TUT4: variants seen among roughly 807,000 people sequenced by gnomAD.
TUT4 encodes terminal uridylyltransferase 4.
In TUT4, 36 loss-of-function variants were observed where a neutral mutation model predicts 192.2. That is an observed-to-expected ratio of 0.19 (90% CI 0.14 to 0.25). The LOEUF (loss-of-function observed/expected upper bound fraction) is 0.25, where lower values mean the gene tolerates loss of function less well. TUT4 is among the 10% of genes least tolerant of loss of function. TUT4 has a pLI of 1.00. For missense variants in TUT4, 1,493 were observed against 1,957.2 expected (o/e 0.76, Z 4.47); for synonymous variants, 618 against 666.0 (o/e 0.93, Z 1.11).
intron 26 of TUT4, 142 bp from the exon 27 acceptor site, chr1:52,435,607 T>TA: frequency 1.6e-6 from 1 of 642,672 alleles, no homozygotes; most frequent in South Asian, 2.0e-5. Flanking sequence ...TTAAGTATAT[T>TA]AACGAAGGAC....
chr1:52,477,883 C>A lies in TUT4; in HGVS notation c.1849-1G>T. ...TTGGTGTTTCCAATGCTAAAGGAGA[C>A]TGGAAAAGAAAAAATACTTTTCATT... On this transcript the variant is annotated splice_acceptor_variant, in intron 11 of 29. Coordinates refer to ENST00000257177, the MANE Select transcript of TUT4 (RefSeq NM_001009881.3). LOFTEE classifies it high-confidence loss of function. 6.4e-7 allele frequency: 1 copy of A among 1,572,608 alleles called. No individual in the cohort carries two copies. Among genetic ancestry groups the A allele is most frequent in the Non-Finnish European group, 8.6e-7 (1 of 1,165,048 alleles).
chr1:52,522,985 ATCTTTT>A (rs1438235192), intron 2 of TUT4, among the ~76,000 whole-genome samples: 2 of 97,892 alleles, frequency 2.0e-5, no homozygotes, highest in African/African-American at 7.3e-5. Context: ...ACCCTTAACT[ATCTTTT>A]TTTTTTTTTT....
At chr1:52,466,682 A>ATATT (rs372853314) in intron 15 of TUT4, among the ~76,000 whole-genome samples, 154 of 123,814 alleles carry the variant, frequency 1.2e-3, no homozygotes, top group African/African-American at 4.6e-3. Context: ...ATATATATAT[A>ATATT]TTTTTGAGAC....
intron 2 of TUT4, among the ~76,000 whole-genome samples, chr1:52,522,717 G>A (rs1249334375): frequency 6.6e-6 from 1 of 152,032 alleles, no homozygotes; most frequent in Non-Finnish European, 1.5e-5. Flanking sequence ...CCTGAGGTCA[G>A]GAGTCTGAGA....
intron 9 of TUT4, among the ~76,000 whole-genome samples, chr1:52,482,775 T>C (rs1379149132): frequency 1.3e-5 from 2 of 152,192 alleles, no homozygotes; most frequent in Non-Finnish European, 2.9e-5. Context: ...GTCTATGATA[T>C]GGATGGTTAC....
At chr1:52,553,225 G>T (rs972254978), upstream of TUT4, 15 of 152,528 alleles carry the variant, frequency 9.8e-5, no homozygotes, top group Admixed American at 7.9e-4. Context: ...AGAGGACAGA[G>T]CCTGTAATGG....
At chr1:52,424,573 A>T (rs1490910778) in intron 29 of TUT4, 2 of 152,498 alleles carry the variant, frequency 1.3e-5, no homozygotes, top group African/African-American at 2.4e-5. Flanking sequence ...TGAAGGCCAG[A>T]CTCAGACAAT....
rs1455207149 is a variant in TUT4, at chr1:52,492,350, A to T, written c.1318+1261T>A. Among the ~76,000 whole-genome samples, 5 of 152,194 alleles carry T rather than the reference A, an allele frequency of 3.3e-5. No homozygotes were observed. In the South Asian group the frequency reaches 6.2e-4, roughly 19 times the overall value. ...CCAATGAGAGAGTATGGCTTTAAAA[A>T]AAAGCTCTCTCTTCTAACCCAAATT... is the stretch of plus-strand genomic sequence containing the variant. On this transcript the variant is annotated intron_variant, in intron 7 of 29. Transcript: ENST00000257177.
In TUT4 at chr1:52,441,151, T is replaced by C. The variant is rs1182098166; in HGVS notation, c.3823-2816A>G. On this transcript the variant is annotated intron_variant, in intron 24 of 29. Coordinates refer to ENST00000257177, the MANE Select transcript of TUT4 (RefSeq NM_001009881.3). The stretch of plus-strand genomic sequence containing the variant: ...AAGAAGAGATACCTATAGATGCAGG[T>C]AGATTTATAGATCTAGTAGCAGAAA... Among the ~76,000 whole-genome samples, 4 of 152,126 alleles carry C rather than the reference T, an allele frequency of 2.6e-5. No homozygotes were observed. The South Asian group carries it at 8.3e-4, about 32-fold the overall frequency.
intron 1 of TUT4, among the ~76,000 whole-genome samples, chr1:52,543,804 A>G (rs763273645): frequency 3.9e-5 from 6 of 151,970 alleles, no homozygotes; most frequent in Non-Finnish European, 8.8e-5. Flanking sequence ...TAAAATGTCC[A>G]CACTACCCAA....
intron 2 of TUT4, among the ~76,000 whole-genome samples, chr1:52,524,374 T>C (rs1401433945): frequency 1.4e-4 from 21 of 150,644 alleles, no homozygotes; most frequent in Non-Finnish European, 2.9e-5. Context: ...ATACAGAAAA[T>C]TAGCCAGGCT....
intron 16 of TUT4, chr1:52,463,539 G>GT: frequency 3.4e-6 from 4 of 1,170,546 alleles, no homozygotes; most frequent in Non-Finnish European, 4.3e-6. Context: ...CTTTTATAAT[G>GT]TAACAGAGGC....
intron 26 of TUT4, 31 bp downstream of exon 26, chr1:52,436,724 C>T (rs2148268022): frequency 6.2e-7 from 1 of 1,610,998 alleles, no homozygotes; most frequent in Middle Eastern, 2.2e-4. Flanking sequence ...TTCGTTTCTA[C>T]CAGAAACTAT....
At chr1:52,457,382 C>T (rs753175566) in intron 20 of TUT4, among the ~76,000 whole-genome samples, 21 of 151,838 alleles carry the variant, frequency 1.4e-4, no homozygotes, top group Non-Finnish European at 2.8e-4. Flanking sequence ...ATTACAGGCA[C>T]GCACCACCAC....
intron 4 of TUT4, among the ~76,000 whole-genome samples, chr1:52,498,903 TATATA>T (rs542000264): frequency 2.0e-3 from 2 of 1,006 alleles, no homozygotes; most frequent in Non-Finnish European, 8.7e-3. Flanking sequence ...AAAAAAAAAT[TATATA>T]TATATATATA....
At position 52,489,019 on chromosome 1, in the gene TUT4, C is replaced by T. The variant is rs373808286; in HGVS notation, c.1405G>A (p.Val469Met). ...CATGCCATATCGTTTCCTGCACTCA[C>T]TCTACAAAGTAAACCACTGTGAATG... Reference protein sequence around the residue: ...RDRKSGLLCRVSAGNDMACLT... With the variant: ...RDRKSGLLCRMSAGNDMACLT... The change falls in exon 9 of 30, where the codon GTG becomes ATG. Residue 469 changes from valine (V) to methionine (M), a missense_variant. Transcript: ENST00000257177. 2.5e-5 allele frequency: 41 copies of T among 1,612,708 alleles called. No individual in the cohort carries two copies. Among genetic ancestry groups the T allele is most frequent in the Non-Finnish European group, 3.5e-5 (41 of 1,179,542 alleles).
At chr1:52,546,838 A>G (rs942921216) in intron 1 of TUT4, among the ~76,000 whole-genome samples, 4 of 152,154 alleles carry the variant, frequency 2.6e-5, no homozygotes, top group Non-Finnish European at 5.9e-5. Flanking sequence ...TAATATATCT[A>G]AAAAGGGTCT....
chr1:52,430,960 G>T, intron 28 of TUT4, 53 bp downstream of exon 28: 1 of 1,502,896 alleles, frequency 6.7e-7, no homozygotes, highest in South Asian at 1.3e-5. Flanking sequence ...TCTACAGACA[G>T]ATACAAAAGA....
intron 3 of TUT4, among the ~76,000 whole-genome samples, chr1:52,511,864 T>G (rs1361896940): frequency 1.3e-5 from 2 of 152,238 alleles, no homozygotes; most frequent in African/African-American, 4.8e-5. Flanking sequence ...GATCATTTGC[T>G]TTCTATATTG....
Sources: allele counts gnomAD v4.1 joint callset (sites outside exome capture counted in the v4.1 genomes callset), GRCh38; gene constraint gnomAD v4.1.1; transcripts MANE v1.5; gene names NCBI Gene and HGNC (gene_info 2026-07-23, HGNC 2026-07-21).